Variants in COL4A1 observed in about 807,000 individuals in gnomAD.
COL4A1 encodes the protein collagen alpha-1(IV) chain.
COL4A1 carries 40 observed loss-of-function variants against 216.6 expected under a neutral mutation model. The ratio of observed to expected loss-of-function variants is 0.18; its 90% CI spans 0.14 to 0.24. COL4A1 has a LOEUF of 0.24. Ranked by LOEUF, COL4A1 falls within the 10% of genes least tolerant of loss-of-function variation. The pLI, the probability that COL4A1 is intolerant of heterozygous loss-of-function variation, is 1.00. For synonymous variants in COL4A1, 839 were observed against 810.7 expected (o/e 1.03, Z -0.59); for missense variants, 1,628 against 2,196.8 (o/e 0.74, Z 5.18).
intron 1 of COL4A1, among the ~76,000 whole-genome samples, chr13:110,273,733 G>C (rs770133285): frequency 6.6e-6 from 1 of 152,148 alleles, no homozygotes; most frequent in Non-Finnish European, 1.5e-5. Flanking sequence ...AGGTTAGAAG[G>C]GTCATTCAGA....
chr13:110,228,858 A>T (rs1485055699), intron 2 of COL4A1, among the ~76,000 whole-genome samples: 2 of 152,236 alleles, frequency 1.3e-5, no homozygotes, highest in African/African-American at 4.8e-5. Flanking sequence ...TTTAGGAATA[A>T]AATATGGAGA....
At chr13:110,301,953 A>C (rs918818537) in intron 1 of COL4A1, among the ~76,000 whole-genome samples, 10 of 152,236 alleles carry the variant, frequency 6.6e-5, no homozygotes, top group Admixed American at 6.5e-4. Flanking sequence ...ACCATAACTT[A>C]GGGAATTGAG....
At chr13:110,177,430 A>G (rs1877936529) in intron 33 of COL4A1, among the ~76,000 whole-genome samples, 2 of 152,224 alleles carry the variant, frequency 1.3e-5, no homozygotes, top group Non-Finnish European at 2.9e-5. Flanking sequence ...TCATATTTAC[A>G]GTATTTCTTT....
chr13:110,211,515 C>A lies in COL4A1; in HGVS notation c.468+132G>T. On this transcript the variant is annotated intron_variant, in intron 8 of 51. Coordinates refer to ENST00000375820, the MANE Select transcript of COL4A1 (RefSeq NM_001845.6). The surrounding 1 kb of genome is among the most constrained non-coding windows in gnomAD (Gnocchi z 4.3). ...TTACTTGTACAGTCTTTTCATGTAA[C>A]AGAGTTTAGGGAAGTGTGTTCAGAA... 1.3e-6 allele frequency: 1 copy of A among 781,618 alleles called. No homozygotes were observed. Among genetic ancestry groups the A allele is most frequent in the South Asian group, 2.0e-5 (1 of 49,450 alleles). The allele number at this position is 781,618 out of a possible 1,614,324, so 48.4% of individuals were successfully genotyped here. A position where few individuals can be genotyped will look rare whatever the true frequency, so the allele number is the denominator to read the frequency against.
intron 21 of COL4A1, 37 bp downstream of exon 21, chr13:110,198,430 T>G (rs767993023): frequency 6.8e-6 from 11 of 1,612,230 alleles, no homozygotes; most frequent in Non-Finnish European, 9.3e-6. Flanking sequence ...TGGTGTCTGC[T>G]TGCACCCCAC....
rs758237501 is a variant in COL4A1, at chr13:110,211,847, G to A, written c.441+22C>T. ...GTCATAACTAAAAGAAAGAAGTTCT[G>A]CCCTAAATAACCTCTACTCACGGGA... is the stretch of plus-strand genomic sequence containing the variant. On this transcript the variant is annotated intron_variant, in intron 7 of 51. Transcript: ENST00000375820. The surrounding 1 kb of genome is among the most constrained non-coding windows in gnomAD (Gnocchi z 4.3). The A allele has an allele frequency of 2.5e-6, 4 of 1,613,468 alleles. No individual in the cohort carries two copies. In the East Asian group the frequency reaches 8.9e-5, roughly 36 times the overall value.
chr13:110,285,272 A>G (rs528449373), intron 1 of COL4A1, among the ~76,000 whole-genome samples: 6 of 152,356 alleles, frequency 3.9e-5, no homozygotes, highest in East Asian at 1.9e-4. Flanking sequence ...TGGTGAAGAA[A>G]TAGGATGGGC....
At chr13:110,250,439 G>C (rs982936320) in intron 1 of COL4A1, among the ~76,000 whole-genome samples, 1 of 152,092 alleles carries the variant, frequency 6.6e-6, no homozygotes. Context: ...TAAAGTTCTG[G>C]TCTCATTTTC....
chr13:110,188,650 T>C (rs1878501191), intron 24 of COL4A1, among the ~76,000 whole-genome samples: 1 of 152,100 alleles, frequency 6.6e-6, no homozygotes, highest in African/African-American at 2.4e-5. Context: ...GCCTCTGGAG[T>C]GCTAAGGAGA....
intron 1 of COL4A1, chr13:110,305,885 TA>T (rs1884680115): frequency 6.6e-6 from 1 of 152,226 alleles, no homozygotes; most frequent in Non-Finnish European, 1.5e-5. Context: ...AATTTTTTTT[TA>T]AAGAGGAAAA....
intron 29 of COL4A1, 129 bp from the exon 30 acceptor site, chr13:110,179,550 C>A: frequency 1.4e-6 from 2 of 1,380,586 alleles, no homozygotes; most frequent in South Asian, 1.2e-5. Context: ...CTGCTCAACC[C>A]TTTTCAAGCG....
At chr13:110,169,987 A>G (rs1312170402) in intron 42 of COL4A1, among the ~76,000 whole-genome samples, 2 of 137,538 alleles carry the variant, frequency 1.5e-5, no homozygotes, top group Non-Finnish European at 3.1e-5. Context: ...TGGACCGACA[A>G]TGTGAACCCT....
rs75273185 is a variant in COL4A1, at chr13:110,152,180, C to T, written c.4928+154G>A. ...TGACTGAAGGTCTGCCTTTGAAAATCGTCTCGGTCATCTGCCCATGTCGAA... is the reference window on the plus strand; with the variant it reads ...TGACTGAAGGTCTGCCTTTGAAAATTGTCTCGGTCATCTGCCCATGTCGAA... On this transcript the variant is annotated intron_variant, in intron 51 of 51. Coordinates refer to ENST00000375820, the MANE Select transcript of COL4A1 (RefSeq NM_001845.6). Among the ~76,000 whole-genome samples the T allele has an allele frequency of 0.026, 3,963 of 152,166 alleles. 65 individuals carry two copies. Among genetic ancestry groups the T allele is most frequent in the East Asian group, 0.037 (194 of 5,178 alleles).
Position 110,150,269 on chromosome 13 carries a change from T to C in COL4A1, c.*94A>G. 1 of 1,183,800 alleles carries C rather than the reference T, an allele frequency of 8.4e-7. No individual in the cohort carries two copies. Among genetic ancestry groups the C allele is most frequent in the South Asian group, 1.3e-5 (1 of 76,768 alleles). 73.3% of individuals were successfully genotyped at this position (1,183,800 alleles called of 1,614,324 possible). ...ACTTTACGGTTTTCATATTGGACAG[T>C]GAGGTACACAGGATATATTTCTAGG... On this transcript the variant is annotated 3_prime_UTR_variant, in exon 52 of 52. Transcript: ENST00000375820.
At chr13:110,305,860 C>T (rs1284451723) in intron 1 of COL4A1, 8 of 152,116 alleles carry the variant, frequency 5.3e-5, no homozygotes, top group Admixed American at 3.3e-4. Flanking sequence ...TATCATTCTT[C>T]CAGGAGAGAA....
chr13:110,306,991 G>A lies in COL4A1; in HGVS notation c.37C>T (p.Pro13Ser), dbSNP rs1327844232. The change falls in exon 1 of 52, where the codon CCC becomes TCC. Residue 13 changes from proline (P) to serine (S), a missense_variant. Pro to Ser is a moderately conservative substitution (Grantham distance 74). Around this residue, in one of 8 missense-constraint regions of COL4A1, gnomAD observed 74 missense variants for 61.7 expected, o/e 1.20. Transcript: ENST00000375820. Reference sequence around the variant, plus strand: ...TCCTCGTGGAGCAGAAGGGCGGCGGGCAGCAGCAGCAGCCAGACGCTGAGC... The same window carrying A: ...TCCTCGTGGAGCAGAAGGGCGGCGGACAGCAGCAGCAGCCAGACGCTGAGC... The part of the protein sequence containing the change: ...PRLSVWLLLL[P>S]AALLLHEEHS... The A allele has an allele frequency of 2.0e-6, 3 of 1,469,624 alleles. No individual in the cohort carries two copies. Among genetic ancestry groups the A allele is most frequent in the Non-Finnish European group, 2.7e-6 (3 of 1,115,126 alleles). The allele number at this position is 1,469,624 out of a possible 1,614,324, so 91.0% of individuals were successfully genotyped here.
chr13:110,186,398 G>A lies in COL4A1; in HGVS notation c.1884C>T (p.Ser628=), dbSNP rs200176774. 6.2e-7 allele frequency: 1 copy of A among 1,613,288 alleles called. No individual in the cohort carries two copies. The highest frequency in any genetic ancestry group is 1.3e-5 in the African/African-American group (1 of 75,046). ...CTCAGGCCTCACCTGGCAGGCCTGG[G>A]GATCCAGGGCCTCCAGGAAAGCCTG... ...GQAGFPGGPG[S]PGLPGPKGEP... The change falls in exon 26 of 52, where the codon TCC becomes TCT. Residue 628 remains serine (S), a synonymous_variant. Transcript: ENST00000375820.
chr13:110,301,055 A>G (rs1257561291), intron 1 of COL4A1, among the ~76,000 whole-genome samples: 1 of 152,264 alleles, frequency 6.6e-6, no homozygotes, highest in Non-Finnish European at 1.5e-5. Flanking sequence ...AACTATTTAC[A>G]TAAAGTGTTC....
At chr13:110,296,417 AAAAG>A (rs1360150862) in intron 1 of COL4A1, among the ~76,000 whole-genome samples, 2 of 152,240 alleles carry the variant, frequency 1.3e-5, no homozygotes, top group Non-Finnish European at 2.9e-5. Flanking sequence ...AAGTCGTAGT[AAAAG>A]AAAGATACTT....
Sources: gnomAD v4.1 joint callset for allele counts (sites outside exome capture counted in the v4.1 genomes callset) on GRCh38, gnomAD v4.1.1 for gene constraint, gnomAD v4.1.1 regional missense constraint, Gnocchi (gnomAD v3.1) non-coding constraint, MANE v1.5 for transcripts, NCBI Gene and HGNC (gene_info 2026-07-23, HGNC 2026-07-21) for gene names.